INPP5B: variants seen among roughly 807,000 people sequenced by gnomAD.
INPP5B encodes type II inositol 1,4,5-trisphosphate 5-phosphatase.
INPP5B carries 90 observed loss-of-function variants against 118.5 expected under a neutral mutation model. The observed-to-expected ratio is 0.76, with a 90% CI of 0.64 to 0.90. INPP5B has a LOEUF of 0.90. INPP5B is among the 40% of genes least tolerant of loss of function. The pLI, the probability that INPP5B is intolerant of heterozygous loss-of-function variation, is 0.00. For missense variants in INPP5B, 984 were observed against 1,125.6 expected, an observed-to-expected ratio of 0.87 and a Z score of 1.80; for synonymous variants, 385 against 418.9, an observed-to-expected ratio of 0.92 and a Z score of 0.99.
chr1:37,911,969 C>T (rs1403634077), intron 7 of INPP5B, among the ~76,000 whole-genome samples: 1 of 152,202 alleles, frequency 6.6e-6, no homozygotes, highest in Non-Finnish European at 1.5e-5. Context: ...AGCCTGTCCT[C>T]GAGATGCTAC....
intron 23 of INPP5B, among the ~76,000 whole-genome samples, chr1:37,863,783 G>A (rs979296514): frequency 1.3e-5 from 2 of 149,618 alleles, no homozygotes; most frequent in Non-Finnish European, 3.0e-5. Flanking sequence ...GTGGTCTTTC[G>A]TTGACCAAGA....
At chr1:37,933,364 T>C (rs879654864) in intron 6 of INPP5B, among the ~76,000 whole-genome samples, 12 of 151,918 alleles carry the variant, frequency 7.9e-5, no homozygotes, top group Non-Finnish European at 1.2e-4. Context: ...CTGGCTAACA[T>C]GGTGAAACCC....
intron 7 of INPP5B, 113 bp downstream of exon 7, chr1:37,931,800 C>T: frequency 6.2e-7 from 1 of 1,607,438 alleles, no homozygotes; most frequent in Non-Finnish European, 8.5e-7. Context: ...GTGCCCGCTC[C>T]ATCAATCGAA....
At chr1:37,871,814 T>G (rs538713108) in intron 19 of INPP5B, among the ~76,000 whole-genome samples, 2 of 151,486 alleles carry the variant, frequency 1.3e-5, no homozygotes, top group East Asian at 2.0e-4. Context: ...GGAGAATTGA[T>G]TGAACCTGGG....
At chr1:37,905,806 G>A (rs1364817480) in intron 7 of INPP5B, among the ~76,000 whole-genome samples, 1 of 152,218 alleles carries the variant, frequency 6.6e-6, no homozygotes, top group African/African-American at 2.4e-5. Context: ...TGCATGGACT[G>A]AACTAATAGA....
rs12759400 is a variant in INPP5B, at chr1:37,861,775, T to C, written c.*540A>G. 90,256 of 150,148 alleles carry C rather than the reference T, an allele frequency of 0.6. 28,690 individuals carry two copies. The highest frequency in any genetic ancestry group is 0.72 in the Non-Finnish European group (48,816 of 68,270). 9.3% of individuals were successfully genotyped at this position (150,148 alleles called of 1,614,324 possible). ...AAAAGGCCGGGCGTGGTGGCTCACA[T>C]CTGTAATCCTAGCACTTGGGGAGGC... On this transcript the variant is annotated 3_prime_UTR_variant, in exon 24 of 24. Coordinates refer to ENST00000373024, the MANE Select transcript of INPP5B (RefSeq NM_005540.3).
At chr1:37,908,720 C>A (rs61776677) in intron 7 of INPP5B, among the ~76,000 whole-genome samples, 2 of 152,164 alleles carry the variant, frequency 1.3e-5, no homozygotes, top group Admixed American at 6.5e-5. Flanking sequence ...TTCACCCACC[C>A]TCCACTGGTG....
chr1:37,871,452 CGA>C (rs1411976663), intron 19 of INPP5B, among the ~76,000 whole-genome samples: 1 of 150,720 alleles, frequency 6.6e-6, no homozygotes, highest in Non-Finnish European at 1.5e-5. Flanking sequence ...AGTGAGACGC[CGA>C]CTCACAAAAG....
intron 7 of INPP5B, among the ~76,000 whole-genome samples, chr1:37,898,972 G>A (rs1415050180): frequency 6.6e-6 from 1 of 151,770 alleles, no homozygotes; most frequent in Non-Finnish European, 1.5e-5. Flanking sequence ...CCCTGAGGTC[G>A]GGAGGTCGAG....
chr1:37,891,666 C>T (rs1295569429), intron 7 of INPP5B, among the ~76,000 whole-genome samples: 1 of 151,574 alleles, frequency 6.6e-6, no homozygotes, highest in Non-Finnish European at 1.5e-5. Flanking sequence ...CCCAATTACT[C>T]GGGAGGCTGA....
chr1:37,879,264 C>T (rs1376478210), intron 15 of INPP5B, among the ~76,000 whole-genome samples: 1 of 150,502 alleles, frequency 6.6e-6, no homozygotes, highest in African/African-American at 2.4e-5. Context: ...GAGTGAGACT[C>T]CGTCTCAAAA....
chr1:37,871,453 G>A (rs1486761902), intron 19 of INPP5B, among the ~76,000 whole-genome samples: 6 of 150,844 alleles, frequency 4.0e-5, no homozygotes, highest in East Asian at 3.9e-4. Context: ...GTGAGACGCC[G>A]ACTCACAAAA....
At chr1:37,925,741 T>G (rs1645203544) in intron 7 of INPP5B, among the ~76,000 whole-genome samples, 1 of 152,138 alleles carries the variant, frequency 6.6e-6, no homozygotes, top group Non-Finnish European at 1.5e-5. Context: ...AACTGCAGAA[T>G]TCCAAAACAA....
In INPP5B at chr1:37,879,133, A is replaced by T. The variant is rs137926686; in HGVS notation, c.1542-810T>A. On this transcript the variant is annotated intron_variant, in intron 15 of 23. Coordinates refer to ENST00000373024, the MANE Select transcript of INPP5B (RefSeq NM_005540.3). ...CTAAAAATACAAAAATTAGCTGGGC[A>T]TGGTGGTGTGTGCCTGTAGTCCCAG... Among the ~76,000 whole-genome samples the T allele has an allele frequency of 1.2e-3, 183 of 151,588 alleles. 1 individual carries two copies. Among genetic ancestry groups the T allele is most frequent in the South Asian group, 0.01 (48 of 4,734 alleles).
chr1:37,931,571 G>C (rs1445196310), intron 7 of INPP5B: 1 of 1,537,820 alleles, frequency 6.5e-7, no homozygotes, highest in East Asian at 2.4e-5. Context: ...TCTTCGCCCC[G>C]AGCGTCCACT....
At chr1:37,893,373 T>C (rs914783074) in intron 7 of INPP5B, among the ~76,000 whole-genome samples, 3 of 152,030 alleles carry the variant, frequency 2.0e-5, no homozygotes, top group Non-Finnish European at 4.4e-5. Flanking sequence ...GTGTGAGCCA[T>C]CACACCCAGC....
Position 37,880,093 on chromosome 1 carries a change from C to T in INPP5B, c.1533G>A (p.Trp511Ter), listed in dbSNP as rs762397016. ...AGCAACCTCTGACCTACCTGGTATCCCAGTCGTCAGAGCCCGTATCATACT... is the reference window on the plus strand; with the variant it reads ...AGCAACCTCTGACCTACCTGGTATCTCAGTCGTCAGAGCCCGTATCATACT... ...TYKYDTGSDD[W>*]DTSEKCRAPA... Residue 511 changes from tryptophan to a stop codon, truncating the protein, a stop_gained, in exon 15 of 24, where the codon TGG becomes TGA. Coordinates refer to ENST00000373024, the MANE Select transcript of INPP5B (RefSeq NM_005540.3). LOFTEE classifies it high-confidence loss of function. 1.9e-6 allele frequency: 3 copies of T among 1,603,754 alleles called. No individual in the cohort carries two copies. Among genetic ancestry groups the T allele is most frequent in the Non-Finnish European group, 8.5e-7 (1 of 1,172,218 alleles).
chr1:37,944,598 GTT>G (rs375820267), intron 3 of INPP5B, among the ~76,000 whole-genome samples: 1 of 140,150 alleles, frequency 7.1e-6, no homozygotes, highest in African/African-American at 2.6e-5. Flanking sequence ...TTTTTTTCTT[GTT>G]TTTTTTTTTA....
intron 11 of INPP5B, 67 bp downstream of exon 11, chr1:37,887,284 G>A: frequency 1.0e-6 from 1 of 1,004,596 alleles, no homozygotes; most frequent in Non-Finnish European, 1.5e-6. Context: ...TGGAAAAGGT[G>A]AAAAATGATC....
Sources: gnomAD v4.1 joint callset for allele counts (sites outside exome capture counted in the v4.1 genomes callset) on GRCh38, gnomAD v4.1.1 for gene constraint, MANE v1.5 for transcripts, NCBI Gene and HGNC (gene_info 2026-07-23, HGNC 2026-07-21) for gene names.